TFB1M: variants seen among roughly 807,000 people sequenced by gnomAD.
The protein encoded by TFB1M is transcription factor B1, mitochondrial.
Under a neutral mutation model 31.1 loss-of-function variants are expected in TFB1M, and 27 were observed. That is an observed-to-expected ratio of 0.87 (90% CI 0.64 to 1.20). TFB1M has a LOEUF of 1.20. Ranked by LOEUF, TFB1M falls within the 50% of genes most tolerant of loss-of-function variation. The probability of loss-of-function intolerance (pLI) is 0.00; values close to 1 mark genes in which losing one functional copy is unlikely to be tolerated. For missense variants in TFB1M, 394 were observed against 418.7 expected (o/e 0.94, Z 0.51); for synonymous variants, 166 against 151.8 (o/e 1.09, Z -0.69).
the TFB1M span, chr6:155,244,974 G>T: frequency 1.7e-5 from 11 of 645,902 alleles, no homozygotes; most frequent in African/African-American, 1.7e-4. Flanking sequence ...TTTTTTTCCT[G>T]GCGCAGGTGC....
At chr6:155,269,414 T>G (rs1026008250) in intron 5 of TFB1M, among the ~76,000 whole-genome samples, 1 of 151,202 alleles carries the variant, frequency 6.6e-6, no homozygotes, top group African/African-American at 2.4e-5. Context: ...TTCCGTCTGC[T>G]GGGTTCAAGC....
downstream of TFB1M, chr6:155,254,188 A>G: frequency 9.4e-7 from 1 of 1,062,362 alleles, no homozygotes; most frequent in South Asian, 1.6e-5. Flanking sequence ...CCTCCGAAAA[A>G]GGCAACTGAG....
chr6:155,251,114 TCCA>T, the TFB1M span: 5 of 1,089,822 alleles, frequency 4.6e-6, no homozygotes, highest in South Asian at 1.3e-5. Context: ...ACTCCTGAGC[TCCA>T]GGAGTCAGAA....
chr6:155,311,440 A>C, intron 1 of TFB1M, 101 bp from the exon 2 acceptor site: 1 of 903,678 alleles, frequency 1.1e-6, no homozygotes, highest in Non-Finnish European at 1.8e-6. Flanking sequence ...CCATTACCCA[A>C]TCAATTGATC....
At chr6:155,253,540 GTGA>G (rs1248209605), downstream of TFB1M, 1 of 175,638 alleles carries the variant, frequency 5.7e-6, no homozygotes, top group East Asian at 1.7e-4. Flanking sequence ...GAGTCATGCA[GTGA>G]CCTGCTGGGC....
chr6:155,308,297 T>C (rs1777873898), intron 2 of TFB1M, among the ~76,000 whole-genome samples: 1 of 152,166 alleles, frequency 6.6e-6, no homozygotes, highest in African/African-American at 2.4e-5. Flanking sequence ...CACTGGAGAA[T>C]TTTCTAGTGC....
At position 155,256,598 on chromosome 6, in the gene TFB1M, A is replaced by C. The variant is rs771688129; in HGVS notation, c.*1238T>G. 4.3e-6 allele frequency: 7 copies of C among 1,614,102 alleles called. No homozygotes were observed. The highest frequency in any genetic ancestry group is 5.9e-6 in the Non-Finnish European group (7 of 1,179,946). On this transcript the variant is annotated 3_prime_UTR_variant, in exon 7 of 7. Transcript: ENST00000367166. ...GAGGGCAGCTTGAGCAGCGGCACCC[A>C]GAGCAGCGGCTGCCCCACGGCTGAG...
At chr6:155,300,161 T>C (rs940120680) in intron 2 of TFB1M, among the ~76,000 whole-genome samples, 2 of 152,176 alleles carry the variant, frequency 1.3e-5, no homozygotes, top group Non-Finnish European at 2.9e-5. Flanking sequence ...AAGATTTACT[T>C]CACAAGTCAA....
chr6:155,284,983 T>C (rs1776559737), intron 5 of TFB1M, among the ~76,000 whole-genome samples, 175 bp downstream of exon 5: 1 of 152,216 alleles, frequency 6.6e-6, no homozygotes, highest in Non-Finnish European at 1.5e-5. Context: ...AGAACAATTA[T>C]AGTAAGAACT....
intron 2 of TFB1M, among the ~76,000 whole-genome samples, chr6:155,309,160 A>C (rs1777911507): frequency 6.6e-6 from 1 of 152,232 alleles, no homozygotes; most frequent in Non-Finnish European, 1.5e-5. Flanking sequence ...ATTTACTTTC[A>C]CTATTTAATG....
downstream of TFB1M, among the ~76,000 whole-genome samples, chr6:155,251,579 G>A (rs139083242): frequency 6.6e-6 from 1 of 152,298 alleles, no homozygotes; most frequent in African/African-American, 2.4e-5. Flanking sequence ...TAGCCACCGT[G>A]CCTGGCCAGA....
Position 155,311,281 on chromosome 6 carries a change from A to AG in TFB1M, c.191dup (p.Gly65TrpfsTer11). ...TAGATCTTGTGATTCCCCCTGGCCC[A>AG]GGGCCCACTTCGTAAACATAAGCAT... On this transcript the variant is annotated frameshift_variant, in exon 2 of 7. Coordinates refer to ENST00000367166, the MANE Select transcript of TFB1M (RefSeq NM_016020.4). LOFTEE classifies it high-confidence loss of function. 6.2e-7 allele frequency: 1 copy of AG among 1,612,800 alleles called. No individual in the cohort carries two copies. The highest frequency in any genetic ancestry group is 8.5e-7 in the Non-Finnish European group (1 of 1,178,766).
downstream of TFB1M, chr6:155,252,871 C>T: frequency 7.4e-7 from 1 of 1,348,892 alleles, no homozygotes. Context: ...AGAACATAAA[C>T]TTCTATTCAC....
chr6:155,234,060 A>C, the TFB1M span, among the ~76,000 whole-genome samples: 1 of 152,162 alleles, frequency 6.6e-6, no homozygotes, highest in East Asian at 1.9e-4. Flanking sequence ...TTTTTGGAAA[A>C]AATGTTTTTA....
chr6:155,247,808 T>C, the TFB1M span, among the ~76,000 whole-genome samples: 1 of 152,212 alleles, frequency 6.6e-6, no homozygotes, highest in Non-Finnish European at 1.5e-5. Context: ...ACTCCAGGGC[T>C]CTGTCAGGGC....
rs1562381518 is a variant in TFB1M, at chr6:155,257,587, T to TAGAG, written c.*248_*249insCTCT. 2.2e-6 allele frequency: 1 copy of TAGAG among 460,404 alleles called. No homozygotes were observed. The highest frequency in any genetic ancestry group is 3.8e-6 in the Non-Finnish European group (1 of 264,152). 28.5% of individuals were successfully genotyped at this position (460,404 alleles called of 1,614,324 possible). A position where few individuals can be genotyped will look rare whatever the true frequency, so the allele number is the denominator to read the frequency against. ...AGATACTTCATTTTTGTAAGATAGATTGTAATAGATGCTGTTTATACTAAA... is the reference window on the plus strand; with the variant it reads ...AGATACTTCATTTTTGTAAGATAGATAGAGTGTAATAGATGCTGTTTATACTAAA... On this transcript the variant is annotated 3_prime_UTR_variant, in exon 7 of 7. Transcript: ENST00000367166.
At chr6:155,242,914 C>CTTT in the TFB1M span, among the ~76,000 whole-genome samples, 1 of 126,578 alleles carries the variant, frequency 7.9e-6, no homozygotes, top group East Asian at 3.1e-4. Context: ...TTTTTTTTTT[C>CTTT]TTTTTTTTAG....
At chr6:155,304,830 A>G (rs1173558207) in intron 2 of TFB1M, among the ~76,000 whole-genome samples, 3 of 151,936 alleles carry the variant, frequency 2.0e-5, no homozygotes, top group South Asian at 2.1e-4. Context: ...TCTTCAGTCT[A>G]TAGTAATAAA....
chr6:155,298,975 T>A (rs983416124), intron 2 of TFB1M, among the ~76,000 whole-genome samples: 2 of 152,220 alleles, frequency 1.3e-5, no homozygotes. Context: ...ATATGAAAGA[T>A]AAGCTTAATT....
Sources: gnomAD v4.1 joint callset for allele counts (sites outside exome capture counted in the v4.1 genomes callset) on GRCh38, gnomAD v4.1.1 for gene constraint, MANE v1.5 for transcripts, NCBI Gene and HGNC (gene_info 2026-07-23, HGNC 2026-07-21) for gene names.